Variants in RBPJ observed in about 807,000 individuals in gnomAD.
The protein encoded by RBPJ is recombination signal binding protein for immunoglobulin kappa J region, also known as recombining binding protein suppressor of hairless.
Under a neutral mutation model 67.8 loss-of-function variants are expected in RBPJ, and 9 were observed. The observed-to-expected ratio is 0.13, with a 90% confidence interval of 0.08 to 0.23. The LOEUF is 0.23. Ranked by LOEUF, RBPJ falls within the 10% of genes least tolerant of loss-of-function variation. The pLI is 1.00. For missense variants in RBPJ, 305 were observed against 595.6 expected, an observed-to-expected ratio of 0.51 and a Z score of 5.08; for synonymous variants, 198 against 203.3, an observed-to-expected ratio of 0.97 and a Z score of 0.22.
At chr4:26,214,721 GAGAA>G (rs148895739) in intron 1 of RBPJ, among the ~76,000 whole-genome samples, 1 of 113,680 alleles carries the variant, frequency 8.8e-6, no homozygotes, top group East Asian at 3.1e-4. Flanking sequence ...AGGAGAGAGA[GAGAA>G]AGAAAGAGGG....
chr4:26,264,243 T>G lies in RBPJ; in HGVS notation c.-166-98203T>G, dbSNP rs1488149749. Among the ~76,000 whole-genome samples the G allele has an allele frequency of 6.6e-6, 1 of 152,180 alleles. No individual in the cohort carries two copies. Among genetic ancestry groups the G allele is most frequent in the African/African-American group, 2.4e-5 (1 of 41,424 alleles). On this transcript the variant is annotated intron_variant, in intron 1 of 4. Transcript: ENST00000512351. This position sits in a 1 kb window ranked among gnomAD's most constrained non-coding sequence, Gnocchi z 4.1. ...TAGCTTCAACAAATTATGTGTTGAA[T>G]TAATCAATGAATACTTATTAATTCA...
chr4:26,351,410 G>C (rs371757681), intron 1 of RBPJ, among the ~76,000 whole-genome samples: 5 of 152,230 alleles, frequency 3.3e-5, no homozygotes, highest in East Asian at 1.9e-4. Flanking sequence ...ATTTTTTGGT[G>C]GGGGGTGGGT....
intron 1 of RBPJ, among the ~76,000 whole-genome samples, chr4:26,372,309 G>T (rs77643204): frequency 1.6e-4 from 25 of 152,342 alleles, no homozygotes; most frequent in African/African-American, 5.8e-4. Context: ...AGACAGTAGA[G>T]ACACCACATG....
At chr4:26,319,174 A>T (rs1722780705), upstream of RBPJ, among the ~76,000 whole-genome samples, 1 of 151,950 alleles carries the variant, frequency 6.6e-6, no homozygotes, top group Admixed American at 6.6e-5. Context: ...GGTGTCTAAC[A>T]CGTTTTAGGA....
At chr4:26,244,281 G>A (rs796679403) in intron 1 of RBPJ, among the ~76,000 whole-genome samples, 66 of 4,264 alleles carry the variant, frequency 0.015, no homozygotes, top group Non-Finnish European at 0.021. Context: ...ATATATGTGT[G>A]TATATGTATA....
intron 1 of RBPJ, among the ~76,000 whole-genome samples, chr4:26,216,198 T>A (rs570090455): frequency 2.6e-5 from 4 of 152,150 alleles, no homozygotes; most frequent in Non-Finnish European, 5.9e-5. Context: ...CTCACCTGGA[T>A]AATCTAAGAT....
At chr4:26,229,075 T>C (rs1208901230) in intron 1 of RBPJ, among the ~76,000 whole-genome samples, 1 of 152,212 alleles carries the variant, frequency 6.6e-6, no homozygotes, top group Non-Finnish European at 1.5e-5. Flanking sequence ...CAAATCATTA[T>C]ATACCCATGG....
intron 1 of RBPJ, among the ~76,000 whole-genome samples, chr4:26,194,561 G>T (rs565396077): frequency 1.3e-5 from 2 of 152,288 alleles, no homozygotes; most frequent in Non-Finnish European, 1.5e-5. Flanking sequence ...GAACCACCAG[G>T]TCACATGACT....
At chr4:26,203,555 G>C (rs1339145886) in intron 1 of RBPJ, among the ~76,000 whole-genome samples, 2 of 152,120 alleles carry the variant, frequency 1.3e-5, no homozygotes, top group Non-Finnish European at 2.9e-5. Context: ...TGAGAGAAGG[G>C]ACTTCTCTCT....
chr4:26,251,923 G>A (rs964270385), intron 1 of RBPJ, among the ~76,000 whole-genome samples: 4 of 150,716 alleles, frequency 2.7e-5, no homozygotes, highest in Non-Finnish European at 5.9e-5. Context: ...AGTCAATAAC[G>A]TTCTCACAAC....
intron 1 of RBPJ, among the ~76,000 whole-genome samples, chr4:26,237,367 TG>T (rs1719486974): frequency 6.6e-6 from 1 of 152,138 alleles, no homozygotes; most frequent in Non-Finnish European, 1.5e-5. Flanking sequence ...AAAATCATTA[TG>T]GTCGAATAAA....
At chr4:26,355,218 T>A (rs1215272292) in intron 1 of RBPJ, among the ~76,000 whole-genome samples, 1 of 152,156 alleles carries the variant, frequency 6.6e-6, no homozygotes, top group Non-Finnish European at 1.5e-5. Flanking sequence ...GTGTACCATA[T>A]GGCCCGACTA....
chr4:26,122,417 T>C, the RBPJ span, among the ~76,000 whole-genome samples: 1 of 152,236 alleles, frequency 6.6e-6, no homozygotes, highest in African/African-American at 2.4e-5. Flanking sequence ...TTCATATGTT[T>C]CTGGCAGGCC....
intron 1 of RBPJ, among the ~76,000 whole-genome samples, chr4:26,337,762 C>T (rs1027872531): frequency 6.8e-6 from 1 of 147,184 alleles, no homozygotes; most frequent in African/African-American, 2.5e-5. Context: ...TCATAGCTCA[C>T]TGCAGCCTCA....
chr4:26,346,282 A>C (rs1726132590), intron 1 of RBPJ, among the ~76,000 whole-genome samples: 3 of 152,200 alleles, frequency 2.0e-5, no homozygotes. Flanking sequence ...AGAGGAAAAG[A>C]CTGGCGACTG....
At chr4:26,320,917 G>T, upstream of RBPJ, 1 of 1,602,828 alleles carries the variant, frequency 6.2e-7, no homozygotes, top group Non-Finnish European at 8.5e-7. Context: ...GAGCGCGGGG[G>T]CTGGGTGGAA....
At chr4:26,142,092 T>G in the RBPJ span, among the ~76,000 whole-genome samples, 2 of 152,256 alleles carry the variant, frequency 1.3e-5, no homozygotes, top group Admixed American at 6.5e-5. Flanking sequence ...GAAGGGAAAC[T>G]TCCCCCTTCA....
intron 1 of RBPJ, among the ~76,000 whole-genome samples, chr4:26,233,396 CA>C (rs921488929): frequency 3.3e-5 from 5 of 152,190 alleles, no homozygotes; most frequent in Non-Finnish European, 7.3e-5. Context: ...GGTTTCCTTG[CA>C]AAAAGTTTCC....
chr4:26,293,440 C>T (rs1297427217), intron 1 of RBPJ, among the ~76,000 whole-genome samples: 1 of 149,752 alleles, frequency 6.7e-6, no homozygotes, highest in Non-Finnish European at 1.5e-5. Flanking sequence ...TCAAGGGCAG[C>T]CTGGGCAACA....
Sources: allele counts gnomAD v4.1 joint callset (sites outside exome capture counted in the v4.1 genomes callset), GRCh38; gene constraint gnomAD v4.1.1; non-coding constraint Gnocchi (gnomAD v3.1); transcripts MANE v1.5; gene names NCBI Gene and HGNC (gene_info 2026-07-23, HGNC 2026-07-21).